SLC14A2: variants seen among roughly 807,000 people sequenced by gnomAD.
SLC14A2 encodes urea transporter 2.
A neutral mutation model predicts 104.6 loss-of-function variants in SLC14A2; 91 were observed. That is an observed-to-expected ratio of 0.87 (90% CI 0.73 to 1.04). The LOEUF (loss-of-function observed/expected upper bound fraction) is 1.04. Ranked by LOEUF, SLC14A2 falls within the 50% of genes least tolerant of loss-of-function variation. The pLI, the probability that SLC14A2 is intolerant of heterozygous loss-of-function variation, is 0.00. For synonymous variants in SLC14A2, 476 were observed against 466.4 expected (o/e 1.02, Z -0.27); for missense variants, 1,189 against 1,156.0 (o/e 1.03, Z -0.41).
At chr18:45,183,194 AC>A in the SLC14A2 span, among the ~76,000 whole-genome samples, 1 of 152,012 alleles carries the variant, frequency 6.6e-6, no homozygotes, top group Admixed American at 6.6e-5. Flanking sequence ...AGTGCTTTAA[AC>A]CCAGGCACAC....
the SLC14A2 span, among the ~76,000 whole-genome samples, chr18:45,174,748 G>T: frequency 1.3e-5 from 2 of 152,140 alleles, no homozygotes; most frequent in African/African-American, 2.4e-5. Context: ...GCAGGGGACA[G>T]GAGAAGGACT....
At chr18:45,458,167 C>G (rs1248033511) in intron 1 of SLC14A2, among the ~76,000 whole-genome samples, 1 of 152,214 alleles carries the variant, frequency 6.6e-6, no homozygotes, top group Non-Finnish European at 1.5e-5. Flanking sequence ...CTGCCTAGCA[C>G]CTGCCATCTG....
chr18:45,419,658 CA>C lies in SLC14A2; in HGVS notation c.-124-63574del, dbSNP rs2086319120. On this transcript the variant is annotated intron_variant, in intron 1 of 20. Coordinates refer to the SLC14A2 transcript ENST00000586448. ...GTGTGGTGGCGCACGCCTGTAATCC[CA>C]GTGACTCTGGAGGCTGAGACAGGAG... Among the ~76,000 whole-genome samples, 6 of 152,078 alleles carry C rather than the reference CA, an allele frequency of 3.9e-5. No homozygotes were observed. In the South Asian group the frequency reaches 1.3e-3, roughly 32 times the overall value.
intron 1 of SLC14A2, among the ~76,000 whole-genome samples, chr18:45,248,731 A>T (rs1277437174): frequency 2.0e-5 from 3 of 152,312 alleles, no homozygotes; most frequent in Non-Finnish European, 4.4e-5. Flanking sequence ...ACTGGAAGTG[A>T]CTTGGATGTT....
At chr18:45,266,241 G>A (rs753421731) in intron 1 of SLC14A2, among the ~76,000 whole-genome samples, 1 of 152,026 alleles carries the variant, frequency 6.6e-6, no homozygotes, top group Admixed American at 6.6e-5. Context: ...CATCAGTCCC[G>A]ACTAATGAGC....
At chr18:45,287,429 G>T (rs1465799085) in intron 1 of SLC14A2, among the ~76,000 whole-genome samples, 11 of 152,190 alleles carry the variant, frequency 7.2e-5, no homozygotes, top group African/African-American at 2.2e-4. Flanking sequence ...GGCCCTGCAG[G>T]GCAGGCCTTC....
chr18:45,237,376 C>T (rs564482198), intron 1 of SLC14A2, among the ~76,000 whole-genome samples: 114 of 152,130 alleles, frequency 7.5e-4, no homozygotes, highest in Non-Finnish European at 1.3e-3. Flanking sequence ...GATATAGATT[C>T]TAGGTAAGGA....
At chr18:45,333,863 C>T (rs1459603232) in intron 1 of SLC14A2, among the ~76,000 whole-genome samples, 1 of 152,130 alleles carries the variant, frequency 6.6e-6, no homozygotes, top group Non-Finnish European at 1.5e-5. Flanking sequence ...GTATTGACAC[C>T]TATTAATAAT....
chr18:45,355,713 T>C (rs544032904), intron 1 of SLC14A2, among the ~76,000 whole-genome samples: 13 of 152,206 alleles, frequency 8.5e-5, no homozygotes, highest in East Asian at 3.9e-4. Flanking sequence ...GGCTTACTGT[T>C]GCTTCAGACA....
intron 1 of SLC14A2, among the ~76,000 whole-genome samples, chr18:45,253,519 C>CAAAAAAAA (rs796286941): frequency 7.6e-6 from 1 of 130,848 alleles, no homozygotes. Context: ...CAAATGACTG[C>CAAAAAAAA]AAAAAAAAAA....
At chr18:45,532,880 C>A (rs929730280) in intron 2 of SLC14A2, among the ~76,000 whole-genome samples, 2 of 152,064 alleles carry the variant, frequency 1.3e-5, no homozygotes, top group Non-Finnish European at 2.9e-5. Flanking sequence ...CCATCAATAC[C>A]TAATTTATTG....
chr18:45,346,807 C>T (rs945625828), intron 1 of SLC14A2, among the ~76,000 whole-genome samples: 1 of 151,768 alleles, frequency 6.6e-6, no homozygotes, highest in East Asian at 1.9e-4. Flanking sequence ...ACTAAAAACA[C>T]AACAGTTAGC....
intron 2 of SLC14A2, among the ~76,000 whole-genome samples, chr18:45,558,177 C>A (rs940425605): frequency 1.3e-5 from 2 of 152,156 alleles, no homozygotes; most frequent in Non-Finnish European, 2.9e-5. Context: ...TGATTTGGTA[C>A]CTTTCTCTCT....
intron 1 of SLC14A2, among the ~76,000 whole-genome samples, chr18:45,227,305 G>A (rs184593046): frequency 1.6e-4 from 24 of 152,268 alleles, no homozygotes; most frequent in Non-Finnish European, 2.9e-4. Flanking sequence ...CAAAAAGAAG[G>A]ACAAAATGCT....
At chr18:45,512,663 G>A (rs2043382424) in intron 2 of SLC14A2, among the ~76,000 whole-genome samples, 1 of 152,196 alleles carries the variant, frequency 6.6e-6, no homozygotes, top group Non-Finnish European at 1.5e-5. Flanking sequence ...TCATTTGGAA[G>A]TTTGGTAATT....
intron 1 of SLC14A2, among the ~76,000 whole-genome samples, chr18:45,247,788 G>A (rs1354605808): frequency 6.6e-6 from 1 of 150,730 alleles, no homozygotes; most frequent in Non-Finnish European, 1.5e-5. Flanking sequence ...CTCTGGTGCT[G>A]TGATACGAGG....
At chr18:45,498,912 A>G (rs1243040193) in intron 2 of SLC14A2, among the ~76,000 whole-genome samples, 1 of 152,182 alleles carries the variant, frequency 6.6e-6, no homozygotes, top group Non-Finnish European at 1.5e-5. Flanking sequence ...CCACAGCTCC[A>G]CAGAAACTTC....
chr18:45,388,354 G>A (rs544377826), intron 1 of SLC14A2, among the ~76,000 whole-genome samples: 5 of 152,052 alleles, frequency 3.3e-5, no homozygotes, highest in South Asian at 4.2e-4. Flanking sequence ...GAGCCACCGC[G>A]CCCGGCTGCT....
chr18:45,423,881 C>T (rs1598790629), intron 1 of SLC14A2: 1 of 152,116 alleles, frequency 6.6e-6, no homozygotes, highest in East Asian at 1.9e-4. Context: ...TTTTATTTAC[C>T]TTGTCAGACA....
Sources: allele counts gnomAD v4.1 joint callset (sites outside exome capture counted in the v4.1 genomes callset), GRCh38; gene constraint gnomAD v4.1.1; transcripts MANE v1.5; gene names NCBI Gene and HGNC (gene_info 2026-07-23, HGNC 2026-07-21).